Variants in KDM4B observed in about 807,000 individuals in gnomAD.
The protein encoded by KDM4B is lysine demethylase 4B, also known as lysine-specific demethylase 4B.
In KDM4B, 32 loss-of-function variants were observed where a neutral mutation model predicts 125.2. The ratio of observed to expected loss-of-function variants is 0.26; its 90% confidence interval spans 0.19 to 0.34. The LOEUF (loss-of-function observed/expected upper bound fraction) is 0.34, where lower values mean the gene tolerates loss of function less well. KDM4B is among the 10% of genes least tolerant of loss of function. The pLI, the probability that KDM4B is intolerant of heterozygous loss-of-function variation, is 1.00. For missense variants in KDM4B, 1,190 were observed against 1,577.7 expected, an observed-to-expected ratio of 0.75 and a Z score of 4.16; for synonymous variants, 721 against 677.9, an observed-to-expected ratio of 1.06 and a Z score of -0.99.
In KDM4B at chr19:5,137,662, G is replaced by T; in HGVS notation, c.2427G>T (p.Met809Ile). The T allele has an allele frequency of 6.3e-7, 1 of 1,594,954 alleles. No homozygotes were observed. The highest frequency in any genetic ancestry group is 1.1e-5 in the South Asian group (1 of 89,896). Residue 809 changes from methionine (M) to isoleucine (I), a missense_variant, in exon 17 of 23, where the codon ATG (methionine) becomes ATT (isoleucine). Transcript: ENST00000159111. ...LCNLRGGALQ[M>I]TTDRRWIHVI... ...ACCTGCGAGGAGGTGCGCTGCAGAT[G>T]ACCACCGATAGGAGGTGGGTGGCAC...
At chr19:5,138,304 T>C in intron 18 of KDM4B, 1 of 550,554 alleles carries the variant, frequency 1.8e-6, no homozygotes, top group Non-Finnish European at 3.3e-6. Flanking sequence ...GTGGCAGAGA[T>C]AAGCAGGCCC....
intron 21 of KDM4B, among the ~76,000 whole-genome samples, chr19:5,146,188 C>T (rs747003193): frequency 5.3e-5 from 8 of 150,768 alleles, no homozygotes; most frequent in Admixed American, 2.0e-4. Context: ...GCCATGCAGG[C>T]CGGCCCCGCC....
chr19:5,057,229 G>A (rs2037439618), intron 6 of KDM4B, among the ~76,000 whole-genome samples: 1 of 152,080 alleles, frequency 6.6e-6, no homozygotes, highest in African/African-American at 2.4e-5. Context: ...TCTCCCCTTT[G>A]CCAGGCCGCG....
chr19:5,021,882 C>T (rs561705804), intron 2 of KDM4B, among the ~76,000 whole-genome samples: 1 of 152,134 alleles, frequency 6.6e-6, no homozygotes, highest in South Asian at 2.1e-4. Flanking sequence ...GATCTGCCTG[C>T]CTCGTCCTCC....
chr19:5,017,911 T>C (rs1480035614), intron 2 of KDM4B, among the ~76,000 whole-genome samples: 1 of 151,854 alleles, frequency 6.6e-6, no homozygotes, highest in African/African-American at 2.4e-5. Context: ...CGGCTAATTT[T>C]TTGTATTTTC....
chr19:5,108,866 G>A (rs536599292), intron 9 of KDM4B, among the ~76,000 whole-genome samples: 15 of 152,286 alleles, frequency 9.8e-5, no homozygotes, highest in African/African-American at 3.4e-4. Context: ...CCTCTCCCCA[G>A]CAGGAGATGA....
At chr19:5,022,998 C>T (rs1035796569) in intron 2 of KDM4B, among the ~76,000 whole-genome samples, 1 of 152,118 alleles carries the variant, frequency 6.6e-6, no homozygotes, top group Admixed American at 6.5e-5. Flanking sequence ...ATCCCTGGAA[C>T]CCATGAATAT....
intron 1 of KDM4B, among the ~76,000 whole-genome samples, chr19:5,002,195 G>A (rs981090297): frequency 3.3e-5 from 5 of 152,014 alleles, no homozygotes; most frequent in African/African-American, 1.2e-4. Flanking sequence ...ATAGGGTTTC[G>A]CCATGTTGGT....
At position 5,006,642 on chromosome 19, in the gene KDM4B, G is replaced by A. The variant is rs902695184; in HGVS notation, c.-108-9615G>A. Among the ~76,000 whole-genome samples the A allele has an allele frequency of 3.9e-5, 6 of 152,194 alleles. No individual in the cohort carries two copies. The South Asian group carries it at 1.2e-3, about 32-fold the overall frequency. ...ACAAAAATTAGCTGGGCATGGTGGC[G>A]CATGCCTGTCATCCCAGCTACTTTG... is the stretch of plus-strand genomic sequence containing the variant. On this transcript the variant is annotated intron_variant, in intron 1 of 22. Coordinates refer to ENST00000159111, the MANE Select transcript of KDM4B (RefSeq NM_015015.3).
At chr19:5,133,672 T>G (rs909978179) in intron 13 of KDM4B, among the ~76,000 whole-genome samples, 2 of 152,026 alleles carry the variant, frequency 1.3e-5, no homozygotes, top group African/African-American at 4.8e-5. Context: ...CCCCTCCTGT[T>G]GATGGGATGG....
At chr19:5,059,342 C>A (rs546240146) in intron 6 of KDM4B, among the ~76,000 whole-genome samples, 1 of 152,206 alleles carries the variant, frequency 6.6e-6, no homozygotes, top group Non-Finnish European at 1.5e-5. Context: ...ACGGGGCGGG[C>A]GCAGGATGGG....
At chr19:5,084,137 C>T (rs929884007) in intron 9 of KDM4B, among the ~76,000 whole-genome samples, 4 of 151,742 alleles carry the variant, frequency 2.6e-5, no homozygotes, top group African/African-American at 9.7e-5. Flanking sequence ...ATCCCAGCTA[C>T]TTGGGAGACT....
intron 3 of KDM4B, among the ~76,000 whole-genome samples, chr19:5,034,332 G>A (rs1186935258): frequency 6.6e-6 from 1 of 152,142 alleles, no homozygotes; most frequent in Non-Finnish European, 1.5e-5. Flanking sequence ...TCCTCAGTTA[G>A]GCCAGGGGTT....
chr19:5,101,504 G>A (rs1280128507), intron 9 of KDM4B, among the ~76,000 whole-genome samples: 6 of 150,940 alleles, frequency 4.0e-5, no homozygotes, highest in East Asian at 1.9e-4. Context: ...TCCAGCTCCA[G>A]CCTGAGCAAT....
At chr19:5,118,580 C>G (rs2039300646) in intron 10 of KDM4B, among the ~76,000 whole-genome samples, 1 of 152,182 alleles carries the variant, frequency 6.6e-6, no homozygotes, top group African/African-American at 2.4e-5. Context: ...GCCTGAGCCC[C>G]CTGGGAACCA....
intron 6 of KDM4B, among the ~76,000 whole-genome samples, chr19:5,060,816 T>A (rs1450056659): frequency 6.6e-6 from 1 of 152,204 alleles, no homozygotes; most frequent in Non-Finnish European, 1.5e-5. Context: ...TGACGGGCAC[T>A]CTCACAGCTT....
chr19:5,023,963 G>A (rs1212228928), intron 2 of KDM4B, among the ~76,000 whole-genome samples: 1 of 151,814 alleles, frequency 6.6e-6, no homozygotes, highest in Non-Finnish European at 1.5e-5. Context: ...CTATGTTCAG[G>A]CTCATCCTGA....
intron 1 of KDM4B, among the ~76,000 whole-genome samples, chr19:4,983,153 G>A (rs183794425): frequency 0.014 from 1,780 of 129,062 alleles, 32 homozygotes; most frequent in African/African-American, 0.067. Flanking sequence ...TTTTTTTTTG[G>A]GTGCTGTCTT....
intron 1 of KDM4B, among the ~76,000 whole-genome samples, chr19:4,976,629 G>T (rs1024715191): frequency 6.6e-6 from 1 of 152,246 alleles, no homozygotes; most frequent in Admixed American, 6.5e-5. Flanking sequence ...TAGCGCCCCC[G>T]ATGGGAGGGG....
Sources: gnomAD v4.1 joint callset for allele counts (sites outside exome capture counted in the v4.1 genomes callset) on GRCh38, gnomAD v4.1.1 for gene constraint, MANE v1.5 for transcripts, NCBI Gene and HGNC (gene_info 2026-07-23, HGNC 2026-07-21) for gene names.